Variants in RTN4RL2 observed in about 807,000 individuals in gnomAD.
RTN4RL2 encodes reticulon-4 receptor-like 2.
A neutral mutation model predicts 27.8 loss-of-function variants in RTN4RL2; 9 were observed. That is an observed-to-expected ratio of 0.32 (90% CI 0.20 to 0.57). The LOEUF (loss-of-function observed/expected upper bound fraction) is 0.57. Among genes scored for constraint, RTN4RL2 ranks in the 20% least tolerant of loss-of-function variants. The pLI is 0.90. For synonymous variants in RTN4RL2, 285 were observed against 297.9 expected, an observed-to-expected ratio of 0.96 and a Z score of 0.45; for missense variants, 436 against 596.8, an observed-to-expected ratio of 0.73 and a Z score of 2.81.
intron 2 of RTN4RL2, among the ~76,000 whole-genome samples, chr11:57,474,857 G>T (rs1943587258): frequency 6.6e-6 from 1 of 152,162 alleles, no homozygotes; most frequent in Non-Finnish European, 1.5e-5. Flanking sequence ...ATAGTTCCAA[G>T]GTCCTTTCTG....
Position 57,476,481 on chromosome 11 carries a change from G to T in RTN4RL2, c.833G>T (p.Arg278Leu). ...RARPLWAWFQ[R>L]ARVSSSDVTC... ...CGGCCGCTCTGGGCCTGGTTCCAGC[G>T]CGCGCGCGTGTCCAGCTCCGACGTG... The change falls in exon 3 of 3, where the codon CGC becomes CTC. Residue 278 changes from arginine to leucine, a missense_variant. Around this residue, in one of 3 missense-constraint regions of RTN4RL2, gnomAD observed 365 missense variants for 530.5 expected, o/e 0.69. Coordinates refer to ENST00000335099, the MANE Select transcript of RTN4RL2 (RefSeq NM_178570.3). This position sits in a 1 kb window ranked among gnomAD's most constrained non-coding sequence, Gnocchi z 8.2. 6.5e-7 allele frequency: 1 copy of T among 1,532,752 alleles called. No individual in the cohort carries two copies. Among genetic ancestry groups the T allele is most frequent in the Non-Finnish European group, 8.7e-7 (1 of 1,151,302 alleles). The allele number at this position is 1,532,752 out of a possible 1,614,324, so 94.9% of individuals were successfully genotyped here. A position where few individuals can be genotyped will look rare whatever the true frequency, so the allele number is the denominator to read the frequency against.
In RTN4RL2 at chr11:57,467,874, G is replaced by A. The variant is rs757107702; in HGVS notation, c.297G>A (p.Pro99=). The stretch of plus-strand genomic sequence containing the variant: ...CCAACAACCTCTCCACCATCTACCC[G>A]GGCACTTTCCGCCACTTGCAAGCCC... The part of the protein sequence containing the change: ...LFSNNLSTIY[P]GTFRHLQALE... Residue 99 remains proline, a synonymous_variant, in exon 2 of 3, where the codon CCG becomes CCA. Coordinates refer to ENST00000335099, the MANE Select transcript of RTN4RL2 (RefSeq NM_178570.3). This position sits in a 1 kb window ranked among gnomAD's most constrained non-coding sequence, Gnocchi z 5.5. The A allele has an allele frequency of 7.1e-5, 115 of 1,613,952 alleles. 1 individual carries two copies. Among genetic ancestry groups the A allele is most frequent in the Middle Eastern group, 1.6e-4 (1 of 6,084 alleles).
rs1184878400 is a variant in RTN4RL2, at chr11:57,476,517, C to A, written c.869C>A (p.Thr290Asn). 2.1e-5 allele frequency: 30 copies of A among 1,456,178 alleles called. No individual in the cohort carries two copies. The highest frequency in any genetic ancestry group is 2.7e-5 in the Non-Finnish European group (30 of 1,113,502). The allele number at this position is 1,456,178 out of a possible 1,614,324, so 90.2% of individuals were successfully genotyped here. A position where few individuals can be genotyped will look rare whatever the true frequency, so the allele number is the denominator to read the frequency against. The change falls in exon 3 of 3, where the codon ACC becomes AAC. Residue 290 changes from threonine to asparagine, a missense_variant. Physicochemically the swap from Thr to Asn is moderately conservative, Grantham distance 65. Coordinates refer to ENST00000335099, the MANE Select transcript of RTN4RL2 (RefSeq NM_178570.3). The surrounding 1 kb of genome is among the most constrained non-coding windows in gnomAD (Gnocchi z 8.2). ...TCCAGCTCCGACGTGACCTGCGCCA[C>A]CCCCCCGGAGCGCCAGGGCCGAGAC... ...RVSSSDVTCA[T>N]PPERQGRDLR...
chr11:57,460,923 GAGGGCATCCTGGGGAGAGAAGC>G, intron 1 of RTN4RL2, 27 bp downstream of exon 1: 1 of 1,372,458 alleles, frequency 7.3e-7, no homozygotes, highest in Non-Finnish European at 9.6e-7. Context: ...CGGGAGAGCG[GAGGGCATCCTGGGGAGAGAAGC>G]AGGGCGTCCC....
chr11:57,476,569 C>G lies in RTN4RL2; in HGVS notation c.921C>G (p.Phe307Leu). The G allele has an allele frequency of 7.2e-7, 1 of 1,397,946 alleles. No individual in the cohort carries two copies. Among genetic ancestry groups the G allele is most frequent in the South Asian group, 1.6e-5 (1 of 63,170 alleles). 86.6% of individuals were successfully genotyped at this position (1,397,946 alleles called of 1,614,324 possible). Residue 307 changes from phenylalanine to leucine, a missense_variant, in exon 3 of 3, where the codon TTC becomes TTG. Physicochemically the swap from Phe to Leu is conservative, Grantham distance 22. Around this residue, in one of 3 missense-constraint regions of RTN4RL2, gnomAD observed 365 missense variants for 530.5 expected, o/e 0.69. Coordinates refer to ENST00000335099, the MANE Select transcript of RTN4RL2 (RefSeq NM_178570.3). The surrounding 1 kb of genome is among the most constrained non-coding windows in gnomAD (Gnocchi z 8.2). The part of the protein sequence containing the change: ...RDLRALREAD[F>L]QACPPAAPTR... ...TGCGCGCGCTCCGCGAGGCCGACTTCCAGGCGTGTCCGCCCGCGGCACCCA... is the reference window on the plus strand; with the variant it reads ...TGCGCGCGCTCCGCGAGGCCGACTTGCAGGCGTGTCCGCCCGCGGCACCCA...
In RTN4RL2 at chr11:57,467,464, T is replaced by A. The variant is rs1250980035; in HGVS notation, c.32-145T>A. The A allele has an allele frequency of 7.3e-7, 1 of 1,363,182 alleles. No individual in the cohort carries two copies. The highest frequency in any genetic ancestry group is 2.3e-5 in the East Asian group (1 of 43,170). The allele number at this position is 1,363,182 out of a possible 1,614,324, so 84.4% of individuals were successfully genotyped here. ...CCTGGCCTCAAGCAATCCTCCTGCC[T>A]TGGCCTCCCAAAGTGCTGGGATTAC... On this transcript the variant is annotated intron_variant, in intron 1 of 2. Transcript: ENST00000335099. This position sits in a 1 kb window ranked among gnomAD's most constrained non-coding sequence, Gnocchi z 5.5.
At chr11:57,471,488 G>T (rs1943562268) in intron 2 of RTN4RL2, among the ~76,000 whole-genome samples, 1 of 152,226 alleles carries the variant, frequency 6.6e-6, no homozygotes, top group African/African-American at 2.4e-5. Flanking sequence ...TTTTATAGAG[G>T]AGATGGAAAA....
chr11:57,471,698 G>A (rs1269961670), intron 2 of RTN4RL2, among the ~76,000 whole-genome samples: 1 of 152,224 alleles, frequency 6.6e-6, no homozygotes, highest in Admixed American at 6.5e-5. Context: ...CAGGCACTGT[G>A]CCAGGTGAGT....
In RTN4RL2 at chr11:57,461,171, C is replaced by T. The variant is rs181433216; in HGVS notation, c.31+275C>T. Among the ~76,000 whole-genome samples, 824 of 152,076 alleles carry T rather than the reference C, an allele frequency of 5.4e-3. 3 individuals are homozygous for T. Among genetic ancestry groups the T allele is most frequent in the Non-Finnish European group, 6.7e-3 (455 of 67,946 alleles). ...CGGAGCGGGGAGGGAGGCTCAGGTT[C>T]CGCTGTCCCCGCTCCACCTGCTCCG... On this transcript the variant is annotated intron_variant, in intron 1 of 2. Transcript: ENST00000335099.
In RTN4RL2 at chr11:57,460,839, G is replaced by A; in HGVS notation, c.-27G>A. 2 of 1,386,860 alleles carry A rather than the reference G, an allele frequency of 1.4e-6. No homozygotes were observed. The highest frequency in any genetic ancestry group is 9.5e-7 in the Non-Finnish European group (1 of 1,053,164). 85.9% of individuals were successfully genotyped at this position (1,386,860 alleles called of 1,614,324 possible). ...CGAGTGGGAGCGCCCTCCCCCCGCT[G>A]CCCCCTCCCCCGAGCATCGAGACAA... On this transcript the variant is annotated 5_prime_UTR_variant, in exon 1 of 3. Coordinates refer to ENST00000335099, the MANE Select transcript of RTN4RL2 (RefSeq NM_178570.3).
chr11:57,475,472 G>A (rs1943590282), intron 2 of RTN4RL2, among the ~76,000 whole-genome samples: 1 of 151,674 alleles, frequency 6.6e-6, no homozygotes. Flanking sequence ...TACAGATGAG[G>A]AAACAGGCAC....
intron 1 of RTN4RL2, among the ~76,000 whole-genome samples, chr11:57,464,547 AGGAAG>A (rs1943507902): frequency 6.6e-6 from 1 of 152,130 alleles, no homozygotes; most frequent in Non-Finnish European, 1.5e-5. Flanking sequence ...TGACTCTGAT[AGGAAG>A]GGAAGTGCCC....
chr11:57,476,363 C>G lies in RTN4RL2; in HGVS notation c.715C>G (p.Leu239Val), dbSNP rs760505411. The G allele has an allele frequency of 1.2e-6, 2 of 1,610,122 alleles. No homozygotes were observed. Among genetic ancestry groups the G allele is most frequent in the Non-Finnish European group, 1.7e-6 (2 of 1,179,368 alleles). The change falls in exon 3 of 3, where the codon CTG (leucine) becomes GTG (valine). Residue 239 changes from leucine to valine, a missense_variant. By Grantham distance (32) the Leu-to-Val change is conservative. Coordinates refer to ENST00000335099, the MANE Select transcript of RTN4RL2 (RefSeq NM_178570.3). The surrounding 1 kb of genome is among the most constrained non-coding windows in gnomAD (Gnocchi z 8.2). ...LTILYLFNNSLASLPGEALAD... is the reference protein window; with the variant it reads ...LTILYLFNNSVASLPGEALAD... ...CATCCTCTACCTGTTCAACAACAGC[C>G]TGGCCTCGCTGCCCGGCGAGGCGCT...
chr11:57,461,962 G>A (rs1159842617), intron 1 of RTN4RL2, among the ~76,000 whole-genome samples: 1 of 152,006 alleles, frequency 6.6e-6, no homozygotes, highest in East Asian at 1.9e-4. Context: ...ACTTCCACGT[G>A]GGAAGCCCTC....
chr11:57,474,705 G>A (rs1012909413), intron 2 of RTN4RL2, among the ~76,000 whole-genome samples: 1 of 152,316 alleles, frequency 6.6e-6, no homozygotes, highest in African/African-American at 2.4e-5. Context: ...AAGTGAGCTG[G>A]GCTGATGGGT....
rs1943534157 is a variant in RTN4RL2, at chr11:57,467,409, T to A, written c.32-200T>A. On this transcript the variant is annotated intron_variant, in intron 1 of 2. Transcript: ENST00000335099. The surrounding 1 kb of genome is among the most constrained non-coding windows in gnomAD (Gnocchi z 5.5). ...TTTTTTTCTTGTAAAGACAGGGATC[T>A]CCCTATGTTGCCCAGGATAGTCTCA... Among the ~76,000 whole-genome samples the A allele has an allele frequency of 6.6e-6, 1 of 151,352 alleles. No homozygotes were observed. The highest frequency in any genetic ancestry group is 2.1e-4 in the South Asian group (1 of 4,784).
At position 57,476,872 on chromosome 11, in the gene RTN4RL2, T is replaced by A. The variant is rs1943600966; in HGVS notation, c.1224T>A (p.Pro408=). 1 of 1,577,206 alleles carries A rather than the reference T, an allele frequency of 6.3e-7. No homozygotes were observed. Among genetic ancestry groups the A allele is most frequent in the South Asian group, 1.1e-5 (1 of 89,900 alleles). The change falls in exon 3 of 3, where the codon CCT becomes CCA. Residue 408 remains proline, a synonymous_variant. Transcript: ENST00000335099. This position sits in a 1 kb window ranked among gnomAD's most constrained non-coding sequence, Gnocchi z 8.2. The part of the protein sequence containing the change: ...GPALSAGLPS[P]LLCLLLLVPH... The stretch of plus-strand genomic sequence containing the variant: ...CGCTCTCGGCCGGGCTCCCCAGCCC[T>A]CTGCTTTGCCTCCTGCTCCTGGTGC...
intron 2 of RTN4RL2, among the ~76,000 whole-genome samples, chr11:57,469,742 G>A (rs552229969): frequency 1.3e-5 from 2 of 152,304 alleles, no homozygotes; most frequent in Non-Finnish European, 2.9e-5. Flanking sequence ...GTGAGTCCCA[G>A]AAATTGCACC....
intron 1 of RTN4RL2, among the ~76,000 whole-genome samples, chr11:57,463,401 C>A (rs1943497926): frequency 6.6e-6 from 1 of 151,974 alleles, no homozygotes; most frequent in South Asian, 2.1e-4. Context: ...GGGGAGGCTG[C>A]TACAAAGGGC....
Sources: gnomAD v4.1 joint callset for allele counts (sites outside exome capture counted in the v4.1 genomes callset) on GRCh38, gnomAD v4.1.1 for gene constraint, gnomAD v4.1.1 regional missense constraint, Gnocchi (gnomAD v3.1) non-coding constraint, MANE v1.5 for transcripts, NCBI Gene and HGNC (gene_info 2026-07-23, HGNC 2026-07-21) for gene names.